STRN3: variants seen among roughly 807,000 people sequenced by gnomAD.
STRN3 encodes the protein striatin 3, also known as striatin-3.
In STRN3, 29 loss-of-function variants were observed where a neutral mutation model predicts 95.6. The ratio of observed to expected loss-of-function variants is 0.30; its 90% CI spans 0.23 to 0.41. The LOEUF (loss-of-function observed/expected upper bound fraction) is 0.41, where lower values mean the gene tolerates loss of function less well. Among genes scored for constraint, STRN3 ranks in the 10% least tolerant of loss-of-function variants. The pLI is 1.00. For missense variants in STRN3, 890 were observed against 972.1 expected, an observed-to-expected ratio of 0.92 and a Z score of 1.12; for synonymous variants, 331 against 357.6, an observed-to-expected ratio of 0.93 and a Z score of 0.84.
At chr14:31,017,816 C>T (rs1424984188) in intron 1 of STRN3, among the ~76,000 whole-genome samples, 1 of 152,082 alleles carries the variant, frequency 6.6e-6, no homozygotes, top group Non-Finnish European at 1.5e-5. Flanking sequence ...GTGGCTCACA[C>T]CTGAAATCCC....
chr14:31,005,026 C>T (rs1385480150), intron 1 of STRN3, among the ~76,000 whole-genome samples: 7 of 151,868 alleles, frequency 4.6e-5, no homozygotes, highest in East Asian at 1.9e-4. Flanking sequence ...TATGGTAATC[C>T]GCATGTTGCA....
At chr14:30,976,709 CAGAA>C (rs1214867028) in intron 1 of STRN3, among the ~76,000 whole-genome samples, 6 of 152,180 alleles carry the variant, frequency 3.9e-5, no homozygotes, top group African/African-American at 1.4e-4. Flanking sequence ...AAATCAGTAA[CAGAA>C]AGACAATTAG....
chr14:30,917,133 C>A (rs563640021), intron 9 of STRN3, among the ~76,000 whole-genome samples: 1 of 152,154 alleles, frequency 6.6e-6, no homozygotes, highest in Non-Finnish European at 1.5e-5. Flanking sequence ...TCCAAAGCTG[C>A]CTTCTTAGCT....
intron 11 of STRN3, 42 bp downstream of exon 11, chr14:30,911,965 A>G (rs764106007): frequency 6.3e-7 from 1 of 1,586,722 alleles, no homozygotes; most frequent in Admixed American, 1.9e-5. Flanking sequence ...TTATATTAGC[A>G]AAATTGGAAG....
chr14:30,997,030 T>C (rs554986903), intron 1 of STRN3, among the ~76,000 whole-genome samples: 32 of 150,574 alleles, frequency 2.1e-4, no homozygotes, highest in African/African-American at 7.3e-4. Context: ...AAAACCTAAA[T>C]GTGAAAGCCA....
intron 1 of STRN3, among the ~76,000 whole-genome samples, chr14:30,962,898 C>A (rs1477296387): frequency 6.6e-6 from 1 of 151,936 alleles, no homozygotes; most frequent in African/African-American, 2.4e-5. Flanking sequence ...TGTGTTACAA[C>A]TGCCTATAGT....
At chr14:30,936,297 T>G (rs890290933) in intron 6 of STRN3, among the ~76,000 whole-genome samples, 198 bp downstream of exon 6, 4 of 152,202 alleles carry the variant, frequency 2.6e-5, no homozygotes, top group African/African-American at 9.6e-5. Flanking sequence ...GACCTTTTCT[T>G]GCCCATTTAG....
At chr14:30,971,708 T>C (rs1191898489) in intron 1 of STRN3, among the ~76,000 whole-genome samples, 1 of 152,188 alleles carries the variant, frequency 6.6e-6, no homozygotes, top group Admixed American at 6.5e-5. Context: ...AAGGTCTCAC[T>C]GCTCTATCCA....
chr14:31,005,880 G>A (rs1266219705), intron 1 of STRN3, among the ~76,000 whole-genome samples: 3 of 152,146 alleles, frequency 2.0e-5, no homozygotes, highest in Non-Finnish European at 2.9e-5. Context: ...TACTTTGGGA[G>A]GCCAAAGCGG....
At chr14:30,952,654 C>T (rs761247762) in intron 3 of STRN3, among the ~76,000 whole-genome samples, 5 of 151,694 alleles carry the variant, frequency 3.3e-5, no homozygotes, top group Non-Finnish European at 7.4e-5. Context: ...GAGCCAAGAT[C>T]GTACCATTGC....
chr14:30,897,971 G>GT (rs1354378472), intron 16 of STRN3, among the ~76,000 whole-genome samples: 2 of 152,060 alleles, frequency 1.3e-5, no homozygotes, highest in African/African-American at 2.4e-5. Flanking sequence ...ATCTGTGATG[G>GT]TAAGTTTTAT....
chr14:31,008,765 G>A (rs1256977533), intron 1 of STRN3, among the ~76,000 whole-genome samples: 1 of 152,158 alleles, frequency 6.6e-6, no homozygotes, highest in Admixed American at 6.5e-5. Flanking sequence ...ACAGCTGGGT[G>A]CAGTGGTTTA....
intron 1 of STRN3, among the ~76,000 whole-genome samples, chr14:31,011,107 G>A (rs1303911882): frequency 6.6e-6 from 1 of 152,136 alleles, no homozygotes; most frequent in African/African-American, 2.4e-5. Flanking sequence ...AGGGAGGGGA[G>A]ACAAAATTAT....
At chr14:30,988,653 C>A (rs1881808205) in intron 1 of STRN3, among the ~76,000 whole-genome samples, 6 of 152,172 alleles carry the variant, frequency 3.9e-5, no homozygotes, top group Admixed American at 3.9e-4. Context: ...GGTCCTCTCA[C>A]TTTTCTCTGA....
chr14:31,018,917 G>A (rs1883372189), intron 1 of STRN3: 1 of 268,526 alleles, frequency 3.7e-6, no homozygotes, highest in Non-Finnish European at 7.2e-6. Flanking sequence ...GAGGTCGGGA[G>A]TTTGAGACCA....
At chr14:30,896,168 C>T (rs186850572) in intron 16 of STRN3, among the ~76,000 whole-genome samples, 16 of 152,292 alleles carry the variant, frequency 1.1e-4, no homozygotes, top group Non-Finnish European at 2.1e-4. Flanking sequence ...TTTAAGGGTA[C>T]ATCCACCACT....
intron 1 of STRN3, among the ~76,000 whole-genome samples, chr14:31,009,765 C>G (rs954796459): frequency 7.9e-5 from 12 of 151,876 alleles, no homozygotes; most frequent in African/African-American, 2.9e-4. Flanking sequence ...AAAATAAAAT[C>G]TTAGTAAGTA....
chr14:31,003,083 G>A (rs1412105410), intron 1 of STRN3, among the ~76,000 whole-genome samples: 2 of 151,858 alleles, frequency 1.3e-5, no homozygotes, highest in African/African-American at 4.8e-5. Flanking sequence ...CCAACATGGT[G>A]AAACCCCGTC....
At chr14:30,986,885 A>ATTTAATTTTTATAGTC (rs1198584245) in intron 1 of STRN3, among the ~76,000 whole-genome samples, 1 of 152,238 alleles carries the variant, frequency 6.6e-6, no homozygotes, top group Non-Finnish European at 1.5e-5. Flanking sequence ...CATACTACAT[A>ATTTAATTTTTATAGTC]TTTAATTTAC....
Sources: allele counts gnomAD v4.1 joint callset (sites outside exome capture counted in the v4.1 genomes callset), GRCh38; gene constraint gnomAD v4.1.1; transcripts MANE v1.5; gene names NCBI Gene and HGNC (gene_info 2026-07-23, HGNC 2026-07-21).